The following FPR3 variants were observed in gnomAD, a reference collection of about 807,000 sequenced individuals.
FPR3 encodes the protein formyl peptide receptor 3.
For synonymous variants in FPR3, 135 were observed against 163.6 expected, an observed-to-expected ratio of 0.83 and a Z score of 1.34; for missense variants, 346 against 443.2, an observed-to-expected ratio of 0.78 and a Z score of 1.97.
rs948466450 is a variant in FPR3 at position 51,825,119 on chromosome 19, G to A, written c.*309G>A. On this transcript the variant is annotated 3_prime_UTR_variant, in exon 2 of 2. Transcript: ENST00000339223. ...CACAAATCCAGGCTTCTGAAACTTC[G>A]GACCAACCAGCTTCAATCAGGGTTC... The A allele has an allele frequency of 6.8e-5, 19 of 280,446 alleles. No individual in the cohort carries two copies. Among genetic ancestry groups the A allele is most frequent in the African/African-American group, 3.3e-4 (15 of 45,062 alleles). 17.4% of individuals were successfully genotyped at this position (280,446 alleles called of 1,614,324 possible). A position where few individuals can be genotyped will look rare whatever the true frequency, so the allele number is the denominator to read the frequency against.
chr19:51,815,905 AAAAG>A (rs1317892416), intron 1 of FPR3, among the ~76,000 whole-genome samples: 3 of 151,256 alleles, frequency 2.0e-5, no homozygotes, highest in Non-Finnish European at 4.4e-5. Flanking sequence ...GAAGAAAAAG[AAAAG>A]AAAAGAAATT....
At chr19:51,815,861 CA>C (rs35067102) in intron 1 of FPR3, among the ~76,000 whole-genome samples, 10 of 131,324 alleles carry the variant, frequency 7.6e-5, no homozygotes, top group Admixed American at 1.5e-4. Flanking sequence ...GACCCTGTCT[CA>C]AAAAAAAAAG....
intron 1 of FPR3, among the ~76,000 whole-genome samples, chr19:51,822,555 A>T (rs552825876): frequency 1.3e-5 from 2 of 152,370 alleles, no homozygotes; most frequent in Admixed American, 1.3e-4. Flanking sequence ...TTAAGTGACC[A>T]GCAGATTTCA....
At chr19:51,817,984 T>C (rs1181871781) in intron 1 of FPR3, 3 of 152,016 alleles carry the variant, frequency 2.0e-5, no homozygotes, top group Admixed American at 6.6e-5. Context: ...CAGTCTTTTT[T>C]TTTTCTTTTT....
At chr19:51,805,462 T>G (rs1235101960) in intron 1 of FPR3, among the ~76,000 whole-genome samples, 1 of 152,202 alleles carries the variant, frequency 6.6e-6, no homozygotes, top group Non-Finnish European at 1.5e-5. Context: ...AAGGTGATGT[T>G]GGATGTGAAA....
At chr19:51,815,247 G>A (rs1054242719) in intron 1 of FPR3, among the ~76,000 whole-genome samples, 16 of 151,982 alleles carry the variant, frequency 1.1e-4, no homozygotes, top group African/African-American at 3.4e-4. Flanking sequence ...AGGGGAAGTG[G>A]GGACTGGAGA....
intron 1 of FPR3, among the ~76,000 whole-genome samples, chr19:51,821,985 A>G (rs2084193421): frequency 6.6e-6 from 1 of 152,210 alleles, no homozygotes; most frequent in Non-Finnish European, 1.5e-5. Flanking sequence ...TTTTACACAG[A>G]GAGATTCTAG....
At chr19:51,798,327 G>T (rs1437358006) in intron 1 of FPR3, among the ~76,000 whole-genome samples, 1 of 152,074 alleles carries the variant, frequency 6.6e-6, no homozygotes, top group Non-Finnish European at 1.5e-5. Flanking sequence ...GCGGCCAGGG[G>T]TGCCGCTAAA....
At chr19:51,800,534 C>T (rs867842461) in intron 1 of FPR3, among the ~76,000 whole-genome samples, 3 of 152,204 alleles carry the variant, frequency 2.0e-5, no homozygotes, top group African/African-American at 2.4e-5. Flanking sequence ...CATGATGAGG[C>T]GGTTTGGCAC....
chr19:51,821,921 T>C (rs1220878307), intron 1 of FPR3, among the ~76,000 whole-genome samples: 2 of 152,212 alleles, frequency 1.3e-5, no homozygotes, highest in East Asian at 3.8e-4. Context: ...AGAGGCTGGA[T>C]ATCCCAAGGT....
At chr19:51,796,079 T>A (rs1373123359) in intron 1 of FPR3, among the ~76,000 whole-genome samples, 1 of 152,192 alleles carries the variant, frequency 6.6e-6, no homozygotes, top group Non-Finnish European at 1.5e-5. Context: ...GAAAAGTATC[T>A]GGTGAGATAG....
At chr19:51,816,654 C>G (rs1183708166) in intron 1 of FPR3, among the ~76,000 whole-genome samples, 4 of 152,144 alleles carry the variant, frequency 2.6e-5, no homozygotes, top group Non-Finnish European at 4.4e-5. Context: ...TCACAGGAAC[C>G]CCTGATTTAT....
chr19:51,800,462 G>T (rs1362029382), intron 1 of FPR3, among the ~76,000 whole-genome samples: 1 of 152,236 alleles, frequency 6.6e-6, no homozygotes, highest in Non-Finnish European at 1.5e-5. Context: ...ACAGGCCTGG[G>T]TGGGAGAGGT....
chr19:51,817,126 G>C (rs1014250179), intron 1 of FPR3, among the ~76,000 whole-genome samples: 3 of 152,112 alleles, frequency 2.0e-5, no homozygotes, highest in African/African-American at 7.2e-5. Flanking sequence ...TGAGTAGTTT[G>C]ATGACATCTC....
intron 1 of FPR3, among the ~76,000 whole-genome samples, chr19:51,809,942 G>A (rs2084085353): frequency 6.6e-6 from 1 of 152,110 alleles, no homozygotes; most frequent in Non-Finnish European, 1.5e-5. Flanking sequence ...TTCCCAGCAG[G>A]GGGGTGCCAT....
intron 1 of FPR3, chr19:51,811,583 A>G (rs1031294673): frequency 3.9e-5 from 6 of 152,340 alleles, no homozygotes; most frequent in Admixed American, 1.3e-4. Flanking sequence ...TCCCGTGTTC[A>G]GACTGTCGCC....
intron 1 of FPR3, among the ~76,000 whole-genome samples, chr19:51,820,663 T>A (rs1374040415): frequency 1.3e-5 from 2 of 152,176 alleles, no homozygotes; most frequent in African/African-American, 4.8e-5. Context: ...GTAGAGAAAA[T>A]CTGAGTCTGT....
At chr19:51,798,585 G>T (rs1021603710) in intron 1 of FPR3, among the ~76,000 whole-genome samples, 20 of 152,186 alleles carry the variant, frequency 1.3e-4, no homozygotes, top group Non-Finnish European at 2.5e-4. Flanking sequence ...GGCAGCACTT[G>T]AGCGTGCAAA....
chr19:51,816,228 G>C (rs1490270889), intron 1 of FPR3, among the ~76,000 whole-genome samples: 1 of 152,156 alleles, frequency 6.6e-6, no homozygotes, highest in Non-Finnish European at 1.5e-5. Context: ...CATCTATTTT[G>C]ACTGTTTTTG....
Sources: allele counts gnomAD v4.1 joint callset (sites outside exome capture counted in the v4.1 genomes callset), GRCh38; gene constraint gnomAD v4.1.1; transcripts MANE v1.5; gene names NCBI Gene and HGNC (gene_info 2026-07-23, HGNC 2026-07-21).